Variants in DOCK9 observed in about 807,000 individuals in gnomAD.
The protein encoded by DOCK9 is dedicator of cytokinesis protein 9.
DOCK9 carries 89 observed loss-of-function variants against 263.3 expected under a neutral mutation model. The ratio of observed to expected loss-of-function variants is 0.34; its 90% CI spans 0.28 to 0.40. The LOEUF (loss-of-function observed/expected upper bound fraction) is 0.40, where lower values mean the gene tolerates loss of function less well. Ranked by LOEUF, DOCK9 falls within the 10% of genes least tolerant of loss-of-function variation. The probability of loss-of-function intolerance (pLI) is 1.00; values close to 1 mark genes in which losing one functional copy is unlikely to be tolerated. For synonymous variants in DOCK9, 976 were observed against 973.1 expected (o/e 1.00, Z -0.06); for missense variants, 2,140 against 2,603.4 (o/e 0.82, Z 3.87).
rs1243801376 is a variant in DOCK9 at position 98,915,493 on chromosome 13, A to C, written c.728T>G (p.Val243Gly). ...CTTGAGCTCAAAAGCAAAACGCCTGACTTTGTTGTTCTGAAATGAAAAAAG... is the reference window on the plus strand; with the variant it reads ...CTTGAGCTCAAAAGCAAAACGCCTGCCTTTGTTGTTCTGAAATGAAAAAAG... Reference protein sequence around the residue: ...SCMGVVQNNKVRRFAFELKMQ... With the variant: ...SCMGVVQNNKGRRFAFELKMQ... Residue 243 changes from valine (V) to glycine (G), a missense_variant, in exon 8 of 53, where the codon GTC (valine) becomes GGC (glycine). Coordinates refer to ENST00000682017, the MANE Select transcript of DOCK9 (RefSeq NM_001366683.2). The C allele has an allele frequency of 1.9e-6, 3 of 1,611,326 alleles. No homozygotes were observed. The highest frequency in any genetic ancestry group is 2.5e-6 in the Non-Finnish European group (3 of 1,179,124).
intron 1 of DOCK9, among the ~76,000 whole-genome samples, chr13:98,959,823 C>T (rs1287755546): frequency 6.6e-6 from 1 of 152,204 alleles, no homozygotes; most frequent in Non-Finnish European, 1.5e-5. Context: ...GGAAGTCACA[C>T]CACTGTATCT....
intron 32 of DOCK9, among the ~76,000 whole-genome samples, chr13:98,862,642 T>C (rs971474212): frequency 3.3e-5 from 5 of 151,528 alleles, no homozygotes; most frequent in African/African-American, 9.7e-5. Context: ...TGAGCCCAGA[T>C]TGTGCCACTG....
At chr13:98,991,233 G>A (rs140993170) in intron 1 of DOCK9, among the ~76,000 whole-genome samples, 93 of 152,174 alleles carry the variant, frequency 6.1e-4, no homozygotes, top group African/African-American at 2.2e-3. Context: ...CACCATGCCC[G>A]GCTGATTTTC....
chr13:98,834,615 A>G (rs2092916725), intron 39 of DOCK9: 1 of 152,242 alleles, frequency 6.6e-6, no homozygotes, highest in African/African-American at 2.4e-5. Flanking sequence ...AACACATTAA[A>G]AATATTATAA....
chr13:98,824,470 G>T lies in DOCK9; in HGVS notation c.5058C>A (p.Val1686=). ...CCTCCTCGTCGATGTTTGGGGTAAT[G>T]ACCCTGAAGGCGGTGCATCCTTGTC... The part of the protein sequence containing the change: ...VFRQGCTAFR[V]ITPNIDEEAS... Residue 1686 remains valine, a synonymous_variant, in exon 45 of 53, where the codon GTC becomes GTA. Transcript: ENST00000682017. 2 of 1,613,824 alleles carry T rather than the reference G, an allele frequency of 1.2e-6. No homozygotes were observed. The highest frequency in any genetic ancestry group is 2.2e-5 in the South Asian group (2 of 91,034).
At chr13:98,884,152 T>C (rs1262432222) in intron 21 of DOCK9, among the ~76,000 whole-genome samples, 2 of 152,260 alleles carry the variant, frequency 1.3e-5, no homozygotes, top group Admixed American at 6.5e-5. Flanking sequence ...GTGTGAGTTA[T>C]TGTTCATTTG....
Position 98,867,500 on chromosome 13 carries a change from C to T in DOCK9, c.3211G>A (p.Val1071Met). 6.2e-7 allele frequency: 1 copy of T among 1,611,666 alleles called. No homozygotes were observed. Among genetic ancestry groups the T allele is most frequent in the Non-Finnish European group, 8.5e-7 (1 of 1,179,044 alleles). ...FEYKFEFLRV[V>M]CNHEHYIPLN... ...GGAATATAATGTTCATGGTTGCACA[C>T]TACACGGAGAAATTCAAACTTGTAT... Residue 1071 changes from valine (V) to methionine (M), a missense_variant, in exon 30 of 53, where the codon GTG (valine) becomes ATG (methionine). Coordinates refer to ENST00000682017, the MANE Select transcript of DOCK9 (RefSeq NM_001366683.2).
At chr13:99,010,432 G>A in intron 1 of DOCK9, among the ~76,000 whole-genome samples, 1 of 152,164 alleles carries the variant, frequency 6.6e-6, no homozygotes, top group East Asian at 1.9e-4. Context: ...GAGATTCTAG[G>A]CTGAGCTATC....
Position 98,794,516 on chromosome 13 carries a change from C to T in DOCK9, c.*110G>A. ...GTTGTTCTTTATTTCCTTTCTCTCC[C>T]CTTCCCCTTGGTCCTCCCTGTGCTC... On this transcript the variant is annotated 3_prime_UTR_variant, in exon 53 of 53. Transcript: ENST00000682017. 2 of 1,171,530 alleles carry T rather than the reference C, an allele frequency of 1.7e-6. No individual in the cohort carries two copies. Among genetic ancestry groups the T allele is most frequent in the Non-Finnish European group, 2.4e-6 (2 of 844,080 alleles). The allele number at this position is 1,171,530 out of a possible 1,614,324, so 72.6% of individuals were successfully genotyped here. A position where few individuals can be genotyped will look rare whatever the true frequency, so the allele number is the denominator to read the frequency against.
chr13:99,008,538 T>C (rs1476053349), intron 1 of DOCK9, among the ~76,000 whole-genome samples: 1 of 152,160 alleles, frequency 6.6e-6, no homozygotes, highest in African/African-American at 2.4e-5. Flanking sequence ...CCGGCCCATG[T>C]GGAGTCTCTT....
At chr13:98,957,726 G>A (rs2058213181) in intron 1 of DOCK9, among the ~76,000 whole-genome samples, 1 of 152,078 alleles carries the variant, frequency 6.6e-6, no homozygotes, top group Non-Finnish European at 1.5e-5. Context: ...TGGATGTCGT[G>A]ATTAATAACA....
chr13:99,083,328 A>C (rs796681308), intron 1 of DOCK9, among the ~76,000 whole-genome samples: 5 of 152,290 alleles, frequency 3.3e-5, no homozygotes, highest in African/African-American at 1.2e-4. Flanking sequence ...AAGCTTTTTT[A>C]GGTCCTTATT....
At chr13:98,977,645 G>T in intron 1 of DOCK9, 139 bp downstream of exon 1, 1 of 662,718 alleles carries the variant, frequency 1.5e-6, no homozygotes, top group Non-Finnish European at 2.5e-6. Context: ...ATATTACAGG[G>T]AAAGAGTGGA....
chr13:98,958,554 C>T (rs543040232), intron 1 of DOCK9, among the ~76,000 whole-genome samples: 14 of 152,310 alleles, frequency 9.2e-5, no homozygotes, highest in South Asian at 2.1e-4. Flanking sequence ...TCTGCCATTG[C>T]GGCACAAAAG....
In DOCK9 at chr13:98,825,816, AGG is replaced by A. The variant is rs796650184; in HGVS notation, c.5023+1012_5023+1013del. The A allele has an allele frequency of 1.2e-5, 14 of 1,200,928 alleles. No individual in the cohort carries two copies. In the African/African-American group the frequency reaches 2.1e-4, roughly 18 times the overall value. 74.4% of individuals were successfully genotyped at this position (1,200,928 alleles called of 1,614,324 possible). A position where few individuals can be genotyped will look rare whatever the true frequency, so the allele number is the denominator to read the frequency against. ...AAAAGGGCAAATCCCCCACCACGGG[AGG>A]GCACGTGACCAGGGCAGGGGGTCCC... On this transcript the variant is annotated intron_variant, in intron 44 of 52. Transcript: ENST00000682017. The surrounding 1 kb of genome is among the most constrained non-coding windows in gnomAD (Gnocchi z 4.1).
rs147791031 is a variant in DOCK9 at position 99,077,168 on chromosome 13, A to T, written c.129+9055T>A. Among the ~76,000 whole-genome samples the T allele has an allele frequency of 2.0e-5, 3 of 152,280 alleles. No homozygotes were observed. In the East Asian group the frequency reaches 5.8e-4, roughly 30 times the overall value. On this transcript the variant is annotated intron_variant, in intron 1 of 32. Coordinates refer to the DOCK9 transcript ENST00000427887. Reference sequence around the variant, plus strand: ...AAATACTAATGTCTTCAGGGTTTAGAATTGAACCTATAAGGATGGATTAAT... The same window carrying T: ...AAATACTAATGTCTTCAGGGTTTAGTATTGAACCTATAAGGATGGATTAAT...
At position 98,826,858 on chromosome 13, in the gene DOCK9, G is replaced by A. The variant is rs1463084123; in HGVS notation, c.4995C>T (p.Ala1665=). Residue 1665 remains alanine, a synonymous_variant, in exon 44 of 53, where the codon GCC becomes GCT. Transcript: ENST00000682017. Reference sequence around the variant, plus strand: ...TCCGTGTGAGATATTCTGCCACTAGGGCTGTTACGTGGACATAGCACATTG... The same window carrying A: ...TCCGTGTGAGATATTCTGCCACTAGAGCTGTTACGTGGACATAGCACATTG... ...EAAMCYVHVT[A]LVAEYLTRKG... 12 of 1,610,600 alleles carry A rather than the reference G, an allele frequency of 7.5e-6. No homozygotes were observed. The highest frequency in any genetic ancestry group is 7.6e-6 in the Non-Finnish European group (9 of 1,178,526).
chr13:98,859,717 G>A (rs1398621072), intron 33 of DOCK9: 1 of 144,286 alleles, frequency 6.9e-6, no homozygotes, highest in African/African-American at 2.6e-5. Flanking sequence ...AATTCTTGGA[G>A]GATATGTGTG....
At chr13:98,930,100 T>C (rs2053663544) in intron 3 of DOCK9, 68 bp downstream of exon 3, 1 of 1,396,878 alleles carries the variant, frequency 7.2e-7, no homozygotes. Flanking sequence ...ATTTTGAAAT[T>C]TAAAGAAAAG....
Sources: allele counts gnomAD v4.1 joint callset (sites outside exome capture counted in the v4.1 genomes callset), GRCh38; gene constraint gnomAD v4.1.1; non-coding constraint Gnocchi (gnomAD v3.1); transcripts MANE v1.5; gene names NCBI Gene and HGNC (gene_info 2026-07-23, HGNC 2026-07-21).